Variants in BNC2 observed in about 807,000 individuals in gnomAD.
BNC2 encodes basonuclin zinc finger protein 2, also known as zinc finger protein basonuclin-2.
In BNC2, 20 loss-of-function variants were observed where a neutral mutation model predicts 76.3. The ratio of observed to expected loss-of-function variants is 0.26; its 90% CI spans 0.18 to 0.38. The LOEUF (loss-of-function observed/expected upper bound fraction) is 0.38, where lower values mean the gene tolerates loss of function less well. BNC2 is among the 10% of genes least tolerant of loss of function. The pLI, the probability that BNC2 is intolerant of heterozygous loss-of-function variation, is 1.00. For synonymous variants in BNC2, 582 were observed against 514.8 expected (o/e 1.13, Z -1.77); for missense variants, 1,382 against 1,399.8 (o/e 0.99, Z 0.20).
intron 3 of BNC2, among the ~76,000 whole-genome samples, chr9:16,623,643 T>G (rs1288801691): frequency 2.6e-5 from 4 of 152,232 alleles, no homozygotes; most frequent in Admixed American, 6.5e-5. Flanking sequence ...GTTTAAATTA[T>G]TTGCTTTTTA....
chr9:16,702,276 C>G (rs1211234566), intron 3 of BNC2, among the ~76,000 whole-genome samples: 1 of 152,068 alleles, frequency 6.6e-6, no homozygotes, highest in Non-Finnish European at 1.5e-5. Flanking sequence ...GTCTAACTTG[C>G]AAAATCAAGT....
At chr9:16,456,530 CAAAAA>C (rs35557788) in intron 5 of BNC2, among the ~76,000 whole-genome samples, 3 of 107,236 alleles carry the variant, frequency 2.8e-5, no homozygotes, top group Admixed American at 9.6e-5. Flanking sequence ...GACTCCGTCT[CAAAAA>C]AAAAAAAAAA....
chr9:16,652,862 T>A (rs145309253), intron 3 of BNC2, among the ~76,000 whole-genome samples: 1 of 152,192 alleles, frequency 6.6e-6, no homozygotes, highest in East Asian at 1.9e-4. Context: ...TGAAACACCT[T>A]CTACTTGGAG....
chr9:16,441,044 G>A (rs1821117356), intron 5 of BNC2, among the ~76,000 whole-genome samples: 1 of 152,108 alleles, frequency 6.6e-6, no homozygotes, highest in South Asian at 2.1e-4. Context: ...AGTCATCATT[G>A]GCTGCGCGTT....
At chr9:16,458,224 G>C (rs74678080) in intron 5 of BNC2, among the ~76,000 whole-genome samples, 1,723 of 152,296 alleles carry the variant, frequency 0.011, 32 homozygotes, top group African/African-American at 0.039. Context: ...GACCATGCTA[G>C]CTTCATTTCC....
chr9:16,419,378 T>C lies in BNC2; in HGVS notation c.2911A>G (p.Ser971Gly). 6.2e-7 allele frequency: 1 copy of C among 1,604,246 alleles called. No homozygotes were observed. Among genetic ancestry groups the C allele is most frequent in the Non-Finnish European group, 8.5e-7 (1 of 1,174,498 alleles). ...TCTCTGGAGGAATGGATACTGCTGCTGGACTGGAGGCTGGAGGTGGTGCTC... is the reference window on the plus strand; with the variant it reads ...TCTCTGGAGGAATGGATACTGCTGCCGGACTGGAGGCTGGAGGTGGTGCTC... ...DLSTTSSLQS[S>G]SSIHSSRESD... Residue 971 changes from serine (S) to glycine (G), a missense_variant, in exon 7 of 7, where the codon AGC becomes GGC. By Grantham distance (56) the Ser-to-Gly change is moderately conservative. Transcript: ENST00000380672.
intron 4 of BNC2, among the ~76,000 whole-genome samples, chr9:16,557,239 C>A (rs1418797103): frequency 6.6e-6 from 1 of 152,152 alleles, no homozygotes; most frequent in Non-Finnish European, 1.5e-5. Context: ...TGGCTCACAC[C>A]TGTAATCCCA....
At chr9:16,547,818 G>C (rs2132469455) in intron 5 of BNC2, among the ~76,000 whole-genome samples, 1 of 152,298 alleles carries the variant, frequency 6.6e-6, no homozygotes, top group African/African-American at 2.4e-5. Flanking sequence ...TATGAAGTGG[G>C]AAGGGTTGGA....
rs933309245 is a variant in BNC2 at position 16,463,650 on chromosome 9, A to G, written c.670-26126T>C. On this transcript the variant is annotated intron_variant, in intron 5 of 6. Coordinates refer to ENST00000380672, the MANE Select transcript of BNC2 (RefSeq NM_017637.6). ...GGTATACTTGATGCTATCTCACCGC[A>G]CTGACAAAAACAGAATTAAATTTCC... 4.5e-4 allele frequency among the ~76,000 whole-genome samples: 69 copies of G among 152,144 alleles called. 1 individual carries two copies. Among genetic ancestry groups the G allele is most frequent in the African/African-American group, 1.4e-3 (56 of 41,408 alleles).
chr9:16,811,469 T>C (rs1161379432), intron 1 of BNC2, among the ~76,000 whole-genome samples: 1 of 143,774 alleles, frequency 7.0e-6, no homozygotes. Context: ...GGAGAATCAC[T>C]TGAACCAGGG....
chr9:16,465,173 C>A (rs149547687), intron 5 of BNC2, among the ~76,000 whole-genome samples: 1 of 152,154 alleles, frequency 6.6e-6, no homozygotes, highest in Admixed American at 6.5e-5. Context: ...TGGCGGCTCA[C>A]GCCTGTAATC....
At chr9:16,457,053 C>A (rs1008449362) in intron 5 of BNC2, among the ~76,000 whole-genome samples, 73 of 152,130 alleles carry the variant, frequency 4.8e-4, no homozygotes, top group Non-Finnish European at 1.0e-4. Context: ...TGTCTCTCTC[C>A]TTTATCCCTC....
Position 16,738,425 on chromosome 9 carries a change from T to G in BNC2, c.64A>C (p.Ser22Arg). The G allele has an allele frequency of 6.2e-7, 1 of 1,614,104 alleles. No homozygotes were observed. The highest frequency in any genetic ancestry group is 8.5e-7 in the Non-Finnish European group (1 of 1,179,960). ...AAATATGCTGGCCAGTCTTGCTCACTAAGCCTGTCCTCTGATTTGTAATTA... is the reference window on the plus strand; with the variant it reads ...AAATATGCTGGCCAGTCTTGCTCACGAAGCCTGTCCTCTGATTTGTAATTA... ...SLNYKSEDRL[S>R]EQDWPAYFKV... Residue 22 changes from serine (S) to arginine (R), a missense_variant, in exon 2 of 7, where the codon AGT (serine) becomes CGT (arginine). Ser to Arg is a moderately radical substitution (Grantham distance 110). Around this residue, in one of 3 missense-constraint regions of BNC2, gnomAD observed 557 missense variants for 540.9 expected, o/e 1.03. Coordinates refer to ENST00000380672, the MANE Select transcript of BNC2 (RefSeq NM_017637.6).
intron 5 of BNC2, among the ~76,000 whole-genome samples, chr9:16,508,624 C>T (rs956705913): frequency 6.6e-6 from 1 of 152,112 alleles, no homozygotes; most frequent in Non-Finnish European, 1.5e-5. Context: ...CCTATTGTTC[C>T]ACGCAGGTCA....
intron 3 of BNC2, among the ~76,000 whole-genome samples, chr9:16,628,198 A>G (rs998680845): frequency 6.6e-6 from 1 of 152,220 alleles, no homozygotes; most frequent in Non-Finnish European, 1.5e-5. Flanking sequence ...GGACCAGCTT[A>G]GAACAAGCCG....
intron 3 of BNC2, among the ~76,000 whole-genome samples, chr9:16,609,409 G>C (rs1330248636): frequency 6.6e-6 from 1 of 152,136 alleles, no homozygotes; most frequent in Non-Finnish European, 1.5e-5. Context: ...GAGGTGAACT[G>C]AGATAGGAAT....
intron 5 of BNC2, among the ~76,000 whole-genome samples, chr9:16,506,511 CTCT>C (rs1822629312): frequency 3.7e-5 from 3 of 81,450 alleles, no homozygotes; most frequent in African/African-American, 1.7e-4. Flanking sequence ...TCTCTCTCTC[CTCT>C]TTTTTTTTTT....
intron 3 of BNC2, among the ~76,000 whole-genome samples, chr9:16,665,443 AAAGAAAGAAAGAAAGAAAG>A (rs1563887911): frequency 1.1e-3 from 107 of 95,976 alleles, no homozygotes; most frequent in South Asian, 4.8e-3. Flanking sequence ...GAAAAGAAAG[AAAGAAAGAAAGAAAGAAAG>A]AAAGAAAGAA....
chr9:16,629,305 C>T (rs1478301887), intron 3 of BNC2, among the ~76,000 whole-genome samples: 3 of 152,162 alleles, frequency 2.0e-5, no homozygotes, highest in Non-Finnish European at 4.4e-5. Flanking sequence ...GAATAATTTT[C>T]GTTTTGAATG....
Sources: gnomAD v4.1 joint callset for allele counts (sites outside exome capture counted in the v4.1 genomes callset) on GRCh38, gnomAD v4.1.1 for gene constraint, gnomAD v4.1.1 regional missense constraint, MANE v1.5 for transcripts, NCBI Gene and HGNC (gene_info 2026-07-23, HGNC 2026-07-21) for gene names.